Variants in RIC1 observed in about 807,000 individuals in gnomAD.
RIC1 encodes the protein guanine nucleotide exchange factor subunit RIC1.
Under a neutral mutation model 169.0 loss-of-function variants are expected in RIC1, and 88 were observed. That is an observed-to-expected ratio of 0.52 (90% CI 0.44 to 0.62). The LOEUF (loss-of-function observed/expected upper bound fraction) is 0.62, where lower values mean the gene tolerates loss of function less well. Ranked by LOEUF, RIC1 falls within the 20% of genes least tolerant of loss-of-function variation. The pLI is 0.00. For synonymous variants in RIC1, 790 were observed against 601.5 expected (o/e 1.31, Z -4.59); for missense variants, 1,877 against 1,725.5 (o/e 1.09, Z -1.56).
intron 3 of RIC1, among the ~76,000 whole-genome samples, chr9:5,707,140 G>C (rs1381947261): frequency 1.3e-5 from 2 of 151,976 alleles, no homozygotes. Flanking sequence ...GTTCTTCTTT[G>C]AGTCATTGAT....
chr9:5,727,782 G>A (rs965332808), intron 6 of RIC1, among the ~76,000 whole-genome samples: 5 of 152,218 alleles, frequency 3.3e-5, no homozygotes, highest in Non-Finnish European at 7.3e-5. Flanking sequence ...TCAGCTGTAG[G>A]TCTGTTGGAG....
At chr9:5,750,302 A>T (rs1464118869) in intron 12 of RIC1, among the ~76,000 whole-genome samples, 1 of 151,934 alleles carries the variant, frequency 6.6e-6, no homozygotes, top group Admixed American at 6.5e-5. Flanking sequence ...AAAGGTACAT[A>T]AATCTATTAT....
At chr9:5,637,249 T>C (rs914182107) in intron 1 of RIC1, among the ~76,000 whole-genome samples, 3 of 151,954 alleles carry the variant, frequency 2.0e-5, no homozygotes, top group Admixed American at 6.6e-5. Context: ...TGTAATTTTT[T>C]ATAGAGATGG....
intron 1 of RIC1, among the ~76,000 whole-genome samples, chr9:5,654,161 G>A (rs1586886491): frequency 2.0e-5 from 3 of 152,042 alleles, no homozygotes; most frequent in Admixed American, 2.0e-4. Context: ...ACCATGCCCA[G>A]CTAATTTTTG....
At chr9:5,712,183 G>C (rs1464867581) in intron 3 of RIC1, among the ~76,000 whole-genome samples, 1 of 152,182 alleles carries the variant, frequency 6.6e-6, no homozygotes, top group African/African-American at 2.4e-5. Context: ...CTAGTTTGCA[G>C]TCCCACCAAC....
At chr9:5,692,203 T>C (rs1821625821) in intron 3 of RIC1, among the ~76,000 whole-genome samples, 1 of 152,108 alleles carries the variant, frequency 6.6e-6, no homozygotes, top group South Asian at 2.1e-4. Context: ...ATACAGGCTT[T>C]GGTGTCAGAT....
chr9:5,671,716 C>G (rs555826568), intron 2 of RIC1, among the ~76,000 whole-genome samples: 1 of 152,210 alleles, frequency 6.6e-6, no homozygotes, highest in African/African-American at 2.4e-5. Flanking sequence ...GGACTAAGCC[C>G]CCATTCCTAA....
chr9:5,740,832 A>C (rs1333294757), intron 8 of RIC1, among the ~76,000 whole-genome samples: 4 of 152,098 alleles, frequency 2.6e-5, no homozygotes, highest in African/African-American at 9.7e-5. Context: ...TGTATCCTTC[A>C]ATTCAGTCAA....
Position 5,630,770 on chromosome 9 carries a change from A to C in RIC1, c.144+1317A>C, listed in dbSNP as rs556968599. On this transcript the variant is annotated intron_variant, in intron 1 of 25. Coordinates refer to ENST00000414202, the MANE Select transcript of RIC1 (RefSeq NM_020829.4). ...TATGTATGTATGTGTGTGTGTATAT[A>C]TATAAACATATGTGTAAATATATAT... Among the ~76,000 whole-genome samples, 8 of 152,360 alleles carry C rather than the reference A, an allele frequency of 5.3e-5. No homozygotes were observed. The East Asian group carries it at 1.5e-3, about 29-fold the overall frequency.
intron 3 of RIC1, among the ~76,000 whole-genome samples, chr9:5,705,262 T>A (rs189312611): frequency 8.0e-4 from 121 of 151,860 alleles, no homozygotes; most frequent in Middle Eastern, 3.4e-3. Flanking sequence ...TATAGCTGTT[T>A]GGGAAGTATT....
chr9:5,629,545 T>C (rs1010084472), intron 1 of RIC1, 92 bp downstream of exon 1: 43 of 1,316,562 alleles, frequency 3.3e-5, no homozygotes, highest in Non-Finnish European at 4.3e-5. Flanking sequence ...CTAGGACTCC[T>C]GCCCCTTCGT....
chr9:5,743,109 T>G (rs1230943371), intron 9 of RIC1, 96 bp downstream of exon 9: 2 of 1,149,600 alleles, frequency 1.7e-6, no homozygotes, highest in Non-Finnish European at 2.5e-6. Flanking sequence ...CCTTTTTGCC[T>G]TGACTCTTAC....
intron 6 of RIC1, among the ~76,000 whole-genome samples, chr9:5,725,617 C>T (rs1397311390): frequency 6.6e-6 from 1 of 152,124 alleles, no homozygotes. Flanking sequence ...AATGTGTCTG[C>T]TCCTGCTTCT....
intron 6 of RIC1, among the ~76,000 whole-genome samples, chr9:5,731,558 G>A (rs565820565): frequency 1.7e-3 from 254 of 152,186 alleles, no homozygotes; most frequent in African/African-American, 5.6e-3. Flanking sequence ...TCTGCTAACT[G>A]AACTAATGAT....
intron 1 of RIC1, among the ~76,000 whole-genome samples, chr9:5,630,306 GAC>G (rs1295857858): frequency 6.6e-6 from 1 of 152,176 alleles, no homozygotes; most frequent in East Asian, 1.9e-4. Context: ...CTATGAGAAC[GAC>G]AGAGTTCAGA....
At chr9:5,646,151 G>A (rs1165571467) in intron 1 of RIC1, among the ~76,000 whole-genome samples, 1 of 151,878 alleles carries the variant, frequency 6.6e-6, no homozygotes, top group Non-Finnish European at 1.5e-5. Context: ...CATGGTTTTG[G>A]TTTGCATTTT....
intron 4 of RIC1, chr9:5,719,526 G>A (rs2130859933): frequency 6.6e-6 from 1 of 152,348 alleles, no homozygotes; most frequent in South Asian, 2.1e-4. Context: ...CTCAGTAAAT[G>A]TTTGTAGAAG....
chr9:5,655,331 C>T (rs141626082), intron 1 of RIC1, among the ~76,000 whole-genome samples: 41 of 152,164 alleles, frequency 2.7e-4, no homozygotes, highest in Admixed American at 9.2e-4. Flanking sequence ...GACAGAGTCT[C>T]GCTCTTTTGC....
chr9:5,749,764 CTTTTTTTTTTTTTT>C (rs769556596), intron 12 of RIC1, among the ~76,000 whole-genome samples: 6 of 36,302 alleles, frequency 1.7e-4, no homozygotes, highest in Non-Finnish European at 2.8e-4. Flanking sequence ...AAAGGCGGTG[CTTTTTTTTTTTTTT>C]TTTTTTTTTT....
Sources: allele counts gnomAD v4.1 joint callset (sites outside exome capture counted in the v4.1 genomes callset), GRCh38; gene constraint gnomAD v4.1.1; transcripts MANE v1.5; gene names NCBI Gene and HGNC (gene_info 2026-07-23, HGNC 2026-07-21).